NDRG2: variants seen among roughly 807,000 people sequenced by gnomAD.
NDRG2 encodes NDRG family member 2, also known as protein NDRG2.
A neutral mutation model predicts 58.2 loss-of-function variants in NDRG2; 34 were observed. That is an observed-to-expected ratio of 0.58 (90% CI 0.44 to 0.78). The LOEUF (loss-of-function observed/expected upper bound fraction) is 0.78, where lower values mean the gene tolerates loss of function less well. NDRG2 is among the 30% of genes least tolerant of loss of function. The pLI, the probability that NDRG2 is intolerant of heterozygous loss-of-function variation, is 0.00. For synonymous variants in NDRG2, 187 were observed against 175.9 expected, an observed-to-expected ratio of 1.06 and a Z score of -0.50; for missense variants, 434 against 471.2, an observed-to-expected ratio of 0.92 and a Z score of 0.73.
chr14:21,066,935 C>T (rs199972813), intron 1 of NDRG2, among the ~76,000 whole-genome samples: 3 of 152,152 alleles, frequency 2.0e-5, no homozygotes, highest in African/African-American at 7.2e-5. Context: ...CCCCAGATTC[C>T]TTGGAAGGCA....
chr14:21,059,467 G>T (rs1311878084), intron 1 of NDRG2, among the ~76,000 whole-genome samples: 1 of 144,892 alleles, frequency 6.9e-6, no homozygotes, highest in Admixed American at 7.1e-5. Flanking sequence ...TGCCATAAAA[G>T]TTACTGGGTT....
intron 1 of NDRG2, among the ~76,000 whole-genome samples, chr14:21,036,844 G>A (rs1884659088): frequency 6.6e-6 from 1 of 152,234 alleles, no homozygotes; most frequent in South Asian, 2.1e-4. Context: ...AAGCAAGTGA[G>A]GATAGAGCCC....
chr14:21,026,146 G>T (rs1268705181), upstream of NDRG2, among the ~76,000 whole-genome samples: 1 of 151,650 alleles, frequency 6.6e-6, no homozygotes, highest in Admixed American at 6.6e-5. Flanking sequence ...ACACACACAC[G>T]CACACGCACA....
rs756039985 is a variant in NDRG2, at chr14:21,018,747, A to T, written c.813+16T>A. 1.2e-6 allele frequency: 2 copies of T among 1,613,920 alleles called. No individual in the cohort carries two copies. Among genetic ancestry groups the T allele is most frequent in the Non-Finnish European group, 1.7e-6 (2 of 1,180,000 alleles). The stretch of plus-strand genomic sequence containing the variant: ...CCAACCCTCCTCCCTCACTCACCCC[A>T]AAATTCCCTACTAACCACTGCATCT... On this transcript the variant is annotated intron_variant, in intron 12 of 15. Coordinates refer to ENST00000556147, the MANE Select transcript of NDRG2 (RefSeq NM_001320329.2).
upstream of NDRG2, chr14:21,029,369 G>C (rs1883906194): frequency 6.6e-6 from 1 of 152,198 alleles, no homozygotes; most frequent in Admixed American, 6.5e-5. Context: ...GGGAGGCTGA[G>C]GCAGGTGGAT....
In NDRG2 at chr14:21,070,173, G is replaced by T; in HGVS notation, c.24+655C>A. On this transcript the variant is annotated intron_variant, in intron 1 of 14. Coordinates refer to the NDRG2 transcript ENST00000403829. This position sits in a 1 kb window ranked among gnomAD's most constrained non-coding sequence, Gnocchi z 4.7. The stretch of plus-strand genomic sequence containing the variant: ...ACAGAGTCCCGGCAAGGGGTCCCGC[G>T]CGGAGGCGGGGGCGGGCGCTGAAGG... The T allele has an allele frequency of 8.2e-6, 2 of 245,218 alleles. No individual in the cohort carries two copies. The allele number at this position is 245,218 out of a possible 1,614,324, so 15.2% of individuals were successfully genotyped here. A position where few individuals can be genotyped will look rare whatever the true frequency, so the allele number is the denominator to read the frequency against.
intron 1 of NDRG2, chr14:21,058,441 T>C (rs898216177): frequency 3.8e-5 from 38 of 994,076 alleles, no homozygotes; most frequent in Non-Finnish European, 5.5e-5. Context: ...TAATCCTTGC[T>C]CCCCACTGCA....
At chr14:21,026,696 A>G (rs1437480021), upstream of NDRG2, among the ~76,000 whole-genome samples, 56 of 151,774 alleles carry the variant, frequency 3.7e-4, no homozygotes, top group Non-Finnish European at 1.0e-4. Flanking sequence ...CTCCCCCTAC[A>G]TCCCCCAATT....
intron 1 of NDRG2, chr14:21,036,180 T>A (rs571198187): frequency 2.2e-6 from 1 of 456,318 alleles, no homozygotes; most frequent in East Asian, 6.9e-5. Context: ...CCATTCTTAT[T>A]TCTTCCTCAG....
At position 21,032,081 on chromosome 14, in the gene NDRG2, G is replaced by C. The variant is rs765129803; in HGVS notation, c.25-8760C>G. 7 of 1,610,138 alleles carry C rather than the reference G, an allele frequency of 4.3e-6. No individual in the cohort carries two copies. The African/African-American group carries it at 6.7e-5, about 15-fold the overall frequency. On this transcript the variant is annotated intron_variant, in intron 1 of 14. Transcript: ENST00000403829. ...CTACGATAAGAAGACCAAGTAGAGAGGAGCTTCATCTCAGCCTGCTAGCCC... is the reference window on the plus strand; with the variant it reads ...CTACGATAAGAAGACCAAGTAGAGACGAGCTTCATCTCAGCCTGCTAGCCC...
intron 1 of NDRG2, chr14:21,023,541 G>C: frequency 5.4e-6 from 3 of 554,666 alleles, no homozygotes; most frequent in Non-Finnish European, 9.7e-6. Flanking sequence ...CCCTTCTCTT[G>C]ATACTCACCA....
At chr14:21,062,826 C>G (rs909944311) in intron 1 of NDRG2, among the ~76,000 whole-genome samples, 2 of 151,104 alleles carry the variant, frequency 1.3e-5, no homozygotes, top group East Asian at 3.9e-4. Flanking sequence ...ACTGCAACCT[C>G]CACCTCCCAG....
chr14:21,044,487 C>T (rs1885054331), intron 1 of NDRG2, among the ~76,000 whole-genome samples: 1 of 152,214 alleles, frequency 6.6e-6, no homozygotes, highest in South Asian at 2.1e-4. Context: ...CTGGTGGGAG[C>T]TGCCAGAGCT....
Position 21,021,822 on chromosome 14 carries a change from G to A in NDRG2, c.402C>T (p.Tyr134=), listed in dbSNP as rs1161245577. 6.2e-7 allele frequency: 1 copy of A among 1,612,534 alleles called. No individual in the cohort carries two copies. The highest frequency in any genetic ancestry group is 1.1e-5 in the South Asian group (1 of 90,706). ...LADMIPCVLQ[Y]LNFSTIIGVG... ...GGGGTTCCCAGGCCTCTCACTTTAGGTACTGCAGGACGCAAGGGATCATGT... is the reference window on the plus strand; with the variant it reads ...GGGGTTCCCAGGCCTCTCACTTTAGATACTGCAGGACGCAAGGGATCATGT... The change falls in exon 6 of 16, where the codon TAC becomes TAT. Residue 134 remains tyrosine, a synonymous_variant. Coordinates refer to ENST00000556147, the MANE Select transcript of NDRG2 (RefSeq NM_001320329.2).
At chr14:21,067,714 C>G (rs1437336375) in intron 1 of NDRG2, among the ~76,000 whole-genome samples, 3 of 151,862 alleles carry the variant, frequency 2.0e-5, no homozygotes, top group Non-Finnish European at 2.9e-5. Context: ...TTCATATTCC[C>G]CCACTAAAAA....
intron 1 of NDRG2, among the ~76,000 whole-genome samples, chr14:21,066,299 CT>C (rs35527465): frequency 0.87 from 128,658 of 148,254 alleles, 56,132 homozygotes; most frequent in Admixed American, 0.92. Context: ...TTATTTGGAT[CT>C]TTTTTTTTTG....
intron 1 of NDRG2, among the ~76,000 whole-genome samples, chr14:21,062,591 C>T (rs1886021298): frequency 1.3e-5 from 2 of 152,104 alleles, no homozygotes; most frequent in African/African-American, 4.8e-5. Flanking sequence ...AACTCAAAGG[C>T]TGTGGTCAGG....
In NDRG2 at chr14:21,070,525, T is replaced by G. The variant is rs1886657999; in HGVS notation, c.24+303A>C. ...CTGTTCGGCCCCTCTGGGACTCTCCTCCCTCCCATCCCCCCTTCTTCGATT... is the reference window on the plus strand; with the variant it reads ...CTGTTCGGCCCCTCTGGGACTCTCCGCCCTCCCATCCCCCCTTCTTCGATT... On this transcript the variant is annotated intron_variant, in intron 1 of 14. Coordinates refer to the NDRG2 transcript ENST00000403829. This position sits in a 1 kb window ranked among gnomAD's most constrained non-coding sequence, Gnocchi z 4.7. The G allele has an allele frequency of 8.8e-7, 1 of 1,130,304 alleles. No homozygotes were observed. The highest frequency in any genetic ancestry group is 1.6e-5 in the African/African-American group (1 of 63,568). The allele number at this position is 1,130,304 out of a possible 1,614,324, so 70.0% of individuals were successfully genotyped here.
rs1196157096 is a variant in NDRG2 at position 21,023,510 on chromosome 14, T to G, written c.-6-189A>C. The G allele has an allele frequency of 1.2e-5, 7 of 594,618 alleles. No homozygotes were observed. The African/African-American group carries it at 1.3e-4, about 11-fold the overall frequency. The allele number at this position is 594,618 out of a possible 1,614,324, so 36.8% of individuals were successfully genotyped here. A position where few individuals can be genotyped will look rare whatever the true frequency, so the allele number is the denominator to read the frequency against. ...GTTTCCAGGCTGATCGGTGGAAGCTTTGGAAGAGGAATCAGGACAGCCCTT... is the reference window on the plus strand; with the variant it reads ...GTTTCCAGGCTGATCGGTGGAAGCTGTGGAAGAGGAATCAGGACAGCCCTT... On this transcript the variant is annotated intron_variant, in intron 1 of 15. Coordinates refer to ENST00000556147, the MANE Select transcript of NDRG2 (RefSeq NM_001320329.2).
Sources: gnomAD v4.1 joint callset for allele counts (sites outside exome capture counted in the v4.1 genomes callset) on GRCh38, gnomAD v4.1.1 for gene constraint, Gnocchi (gnomAD v3.1) non-coding constraint, MANE v1.5 for transcripts, NCBI Gene and HGNC (gene_info 2026-07-23, HGNC 2026-07-21) for gene names.